The following UNC13A variants were observed in gnomAD, a reference collection of about 807,000 sequenced individuals.
The protein encoded by UNC13A is unc-13 homolog A.
In UNC13A, 61 loss-of-function variants were observed where a neutral mutation model predicts 219.7. The observed-to-expected ratio is 0.28, with a 90% CI of 0.23 to 0.34. The LOEUF (loss-of-function observed/expected upper bound fraction) is 0.34. Among genes scored for constraint, UNC13A ranks in the 10% least tolerant of loss-of-function variants. The pLI, the probability that UNC13A is intolerant of heterozygous loss-of-function variation, is 1.00. For missense variants in UNC13A, 1,476 were observed against 2,270.3 expected, an observed-to-expected ratio of 0.65 and a Z score of 7.11; for synonymous variants, 920 against 884.6, an observed-to-expected ratio of 1.04 and a Z score of -0.71.
rs1227863149 is a variant in UNC13A at position 17,645,903 on chromosome 19, G to A, written c.2187-60C>T. 5 of 1,593,524 alleles carry A rather than the reference G, an allele frequency of 3.1e-6. No homozygotes were observed. The African/African-American group carries it at 5.4e-5, about 17-fold the overall frequency. Reference sequence around the variant, plus strand: ...GGCAGCCAGTGTGAGTCCTGTCCTTGGAGCCCTCTTTTGGCTGCCCCAGCA... The same window carrying A: ...GGCAGCCAGTGTGAGTCCTGTCCTTAGAGCCCTCTTTTGGCTGCCCCAGCA... On this transcript the variant is annotated intron_variant, in intron 18 of 43. Coordinates refer to ENST00000519716, the MANE Select transcript of UNC13A (RefSeq NM_001080421.3).
At chr19:17,654,893 G>A (rs73009945) in intron 11 of UNC13A, among the ~76,000 whole-genome samples, 20,178 of 152,214 alleles carry the variant, frequency 0.13, 1,464 homozygotes, top group African/African-American at 0.19. Context: ...GCTGACATTG[G>A]GAAGGAGGCT....
intron 9 of UNC13A, 37 bp from the exon 10 acceptor site, chr19:17,656,435 C>A (rs968877466): frequency 1.4e-6 from 2 of 1,466,358 alleles, no homozygotes; most frequent in African/African-American, 2.8e-5. Flanking sequence ...ACTGGGGTAC[C>A]GAGTCACTGC....
Position 17,617,733 on chromosome 19 carries a change from G to C in UNC13A, c.4527C>G (p.Ile1509Met). The change falls in exon 41 of 44, where the codon ATC becomes ATG. Residue 1509 changes from isoleucine to methionine, a missense_variant. By Grantham distance (10) the Ile-to-Met change is conservative. Transcript: ENST00000519716. Reference sequence around the variant, plus strand: ...CCGATTGCGTCTGTACAAAGGTCTTGATTAGCAGGTCGGTGGCCTGCGTGT... The same window carrying C: ...CCGATTGCGTCTGTACAAAGGTCTTCATTAGCAGGTCGGTGGCCTGCGTGT... ...SLYTQATDLLIKTFVQTQSAQ... is the reference protein window; with the variant it reads ...SLYTQATDLLMKTFVQTQSAQ... 2.5e-6 allele frequency: 4 copies of C among 1,614,008 alleles called. No individual in the cohort carries two copies. Among genetic ancestry groups the C allele is most frequent in the Non-Finnish European group, 3.4e-6 (4 of 1,179,860 alleles).
rs958640136 is a variant in UNC13A, at chr19:17,674,842, C to T, written c.53-86G>A. ...AAGCTCTAGACCATCTGCTGTGATC[C>T]CCTCAGGAATTTCTGGGCCACTCAC... On this transcript the variant is annotated intron_variant, in intron 2 of 43. Coordinates refer to ENST00000519716, the MANE Select transcript of UNC13A (RefSeq NM_001080421.3). This position sits in a 1 kb window ranked among gnomAD's most constrained non-coding sequence, Gnocchi z 5.0. The T allele has an allele frequency of 1.4e-5, 17 of 1,201,244 alleles. No individual in the cohort carries two copies. Among genetic ancestry groups the T allele is most frequent in the Non-Finnish European group, 2.0e-5 (16 of 819,318 alleles). 74.4% of individuals were successfully genotyped at this position (1,201,244 alleles called of 1,614,324 possible).
At chr19:17,647,696 T>C (rs546595854) in intron 16 of UNC13A, among the ~76,000 whole-genome samples, 2 of 151,078 alleles carry the variant, frequency 1.3e-5, no homozygotes, top group East Asian at 2.0e-4. Context: ...TGAGTCGCCA[T>C]GTCCCTGCGT....
intron 20 of UNC13A, 139 bp from the exon 21 acceptor site, chr19:17,641,695 C>A: frequency 1.2e-6 from 1 of 805,068 alleles, no homozygotes; most frequent in East Asian, 2.7e-5. Flanking sequence ...TATCCATCCA[C>A]ACACCCACCC....
rs188447894 is a variant in UNC13A at position 17,649,603 on chromosome 19, G to A, written c.1440-16C>T. 4.9e-4 allele frequency: 789 copies of A among 1,613,668 alleles called. 1 individual carries two copies. The highest frequency in any genetic ancestry group is 7.0e-4 in the Admixed American group (42 of 60,016). ...GCCCCCTGGGCTGAAAGACACAGAG[G>A]GACACTGAGGGCCCAGATGTCCCTA... On this transcript the variant is annotated splice_polypyrimidine_tract_variant and intron_variant, in intron 12 of 43. Transcript: ENST00000519716. This position sits in a 1 kb window ranked among gnomAD's most constrained non-coding sequence, Gnocchi z 4.4.
intron 27 of UNC13A, 70 bp from the exon 28 acceptor site, chr19:17,632,978 C>A: frequency 6.2e-7 from 1 of 1,610,486 alleles, no homozygotes; most frequent in South Asian, 1.1e-5. Context: ...GAGAGGCTGC[C>A]TACTCTGGCC....
chr19:17,610,765 A>G (rs1031834280), intron 42 of UNC13A, among the ~76,000 whole-genome samples: 3 of 152,156 alleles, frequency 2.0e-5, no homozygotes, highest in African/African-American at 7.2e-5. Flanking sequence ...ATGGTGGCTC[A>G]CGTCTGGAAT....
intron 1 of UNC13A, among the ~76,000 whole-genome samples, chr19:17,684,872 T>G (rs1178626551): frequency 6.6e-6 from 1 of 152,234 alleles, no homozygotes; most frequent in Non-Finnish European, 1.5e-5. Context: ...CACTGGTGTG[T>G]GTGAGCTTGT....
chr19:17,682,858 G>A (rs2080044140), intron 1 of UNC13A, among the ~76,000 whole-genome samples: 1 of 152,130 alleles, frequency 6.6e-6, no homozygotes, highest in South Asian at 2.1e-4. Flanking sequence ...GTGGTCAGGA[G>A]TTCGAGGCCA....
intron 4 of UNC13A, among the ~76,000 whole-genome samples, 180 bp from the exon 5 acceptor site, chr19:17,669,856 G>C (rs1164891854): frequency 7.7e-6 from 1 of 130,306 alleles, no homozygotes; most frequent in South Asian, 2.5e-4. Context: ...CTCCCTCCCT[G>C]CTTCCTTCCT....
At chr19:17,610,601 GA>G (rs370277856) in intron 42 of UNC13A, among the ~76,000 whole-genome samples, 1 of 152,182 alleles carries the variant, frequency 6.6e-6, no homozygotes, top group African/African-American at 2.4e-5. Context: ...TGAGGTGAGA[GA>G]AAAAAATCAC....
At position 17,674,534 on chromosome 19, in the gene UNC13A, G is replaced by A. The variant is rs2079858810; in HGVS notation, c.152+123C>T. ...GGAGGTGAAGGTGATAAGGTGGACAGGGGAAGAGGGAGGACAGAGGGGAGT... is the reference window on the plus strand; with the variant it reads ...GGAGGTGAAGGTGATAAGGTGGACAAGGGAAGAGGGAGGACAGAGGGGAGT... On this transcript the variant is annotated intron_variant, in intron 3 of 43. Transcript: ENST00000519716. The surrounding 1 kb of genome is among the most constrained non-coding windows in gnomAD (Gnocchi z 5.0). The A allele has an allele frequency of 5.2e-6, 4 of 763,680 alleles. No homozygotes were observed. In the Admixed American group the frequency reaches 6.4e-5, roughly 12 times the overall value. 47.3% of individuals were successfully genotyped at this position (763,680 alleles called of 1,614,324 possible). A position where few individuals can be genotyped will look rare whatever the true frequency, so the allele number is the denominator to read the frequency against.
rs2145913223 is a variant in UNC13A at position 17,674,250 on chromosome 19, A to C, written c.152+407T>G. ...TGGGTGTGGCTGGGGCAGGTGAGGG[A>C]GATAGAGCGAGAACCTGGTGGGAAT... On this transcript the variant is annotated intron_variant, in intron 3 of 43. Transcript: ENST00000519716. The surrounding 1 kb of genome is among the most constrained non-coding windows in gnomAD (Gnocchi z 5.0). Among the ~76,000 whole-genome samples, 1 of 152,218 alleles carries C rather than the reference A, an allele frequency of 6.6e-6. No homozygotes were observed. The highest frequency in any genetic ancestry group is 2.1e-4 in the South Asian group (1 of 4,814).
chr19:17,624,787 G>A (rs2076765302), intron 35 of UNC13A, 42 bp downstream of exon 35: 1 of 1,587,270 alleles, frequency 6.3e-7, no homozygotes, highest in Non-Finnish European at 8.6e-7. Flanking sequence ...TCTCGCCAGG[G>A]AGGTGGCCTA....
At chr19:17,657,459 C>A (rs1349022059) in intron 9 of UNC13A, among the ~76,000 whole-genome samples, 1 of 152,150 alleles carries the variant, frequency 6.6e-6, no homozygotes, top group African/African-American at 2.4e-5. Flanking sequence ...AACCCAGGAT[C>A]GTGCTCAACG....
intron 1 of UNC13A, among the ~76,000 whole-genome samples, chr19:17,683,594 G>T (rs911929533): frequency 3.3e-5 from 5 of 151,342 alleles, no homozygotes; most frequent in African/African-American, 9.7e-5. Flanking sequence ...GAAGGTGGAG[G>T]TTTCAGTGAA....
chr19:17,640,765 C>T (rs1348743701), intron 21 of UNC13A, 104 bp from the exon 22 acceptor site: 2 of 1,304,780 alleles, frequency 1.5e-6, no homozygotes, highest in Non-Finnish European at 2.0e-6. Flanking sequence ...GGGTCTCTGT[C>T]ACCTCCTAAA....
Sources: gnomAD v4.1 joint callset for allele counts (sites outside exome capture counted in the v4.1 genomes callset) on GRCh38, gnomAD v4.1.1 for gene constraint, Gnocchi (gnomAD v3.1) non-coding constraint, MANE v1.5 for transcripts, NCBI Gene and HGNC (gene_info 2026-07-23, HGNC 2026-07-21) for gene names.